Variants in ZNF469 observed in about 807,000 individuals in gnomAD.
The protein encoded by ZNF469 is zinc finger protein 469.
In ZNF469, 1 loss-of-function variant was observed where a neutral mutation model predicts 1.0. The ratio of observed to expected loss-of-function variants is 1.00; its 90% CI spans 0.35 to 4.73. The LOEUF is 4.73. ZNF469 is among the 30% of genes most tolerant of loss of function. The pLI is 0.16. For missense variants in ZNF469, 6,100 were observed against 5,356.3 expected, an observed-to-expected ratio of 1.14 and a Z score of -4.33; for synonymous variants, 2,703 against 2,363.4, an observed-to-expected ratio of 1.14 and a Z score of -4.17.
At chr16:88,138,799 A>G in the ZNF469 span, among the ~76,000 whole-genome samples, 1 of 152,284 alleles carries the variant, frequency 6.6e-6, no homozygotes, top group Non-Finnish European at 1.5e-5. Context: ...CACTAAAGTC[A>G]GTAGCAAAAC....
At chr16:88,117,174 CAT>C in the ZNF469 span, among the ~76,000 whole-genome samples, 9 of 149,116 alleles carry the variant, frequency 6.0e-5, no homozygotes, top group South Asian at 2.1e-4. Context: ...GAACTGGGGG[CAT>C]GTGAGGGCCG....
chr16:88,119,090 TG>T, the ZNF469 span, among the ~76,000 whole-genome samples: 8 of 152,366 alleles, frequency 5.3e-5, no homozygotes, highest in African/African-American at 1.7e-4. Flanking sequence ...TCGTAACTCT[TG>T]GGCTTGTTTT....
In ZNF469 at chr16:88,432,632, G is replaced by T. The variant is rs568197988; in HGVS notation, c.5162G>T (p.Cys1721Phe). The T allele has an allele frequency of 2.7e-4, 417 of 1,550,306 alleles. No individual in the cohort carries two copies. Among genetic ancestry groups the T allele is most frequent in the South Asian group, 4.3e-4 (36 of 84,062 alleles). Residue 1721 changes from cysteine to phenylalanine, a missense_variant, in exon 3 of 3, where the codon TGC becomes TTC. Transcript: ENST00000565624. ...GACAGCAGGCCCCCCCAAGATGTCTGCCTGCCTGAGCCCAGCAAGCAGCCT... is the reference window on the plus strand; with the variant it reads ...GACAGCAGGCCCCCCCAAGATGTCTTCCTGCCTGAGCCCAGCAAGCAGCCT... The part of the protein sequence containing the change: ...EGDSRPPQDV[C>F]LPEPSKQPGP...
the ZNF469 span, among the ~76,000 whole-genome samples, chr16:88,362,518 T>A: frequency 6.6e-6 from 1 of 152,246 alleles, no homozygotes; most frequent in Non-Finnish European, 1.5e-5. Flanking sequence ...TTTTCCTGGA[T>A]ATAAAATTCT....
chr16:88,127,293 T>C, the ZNF469 span, among the ~76,000 whole-genome samples: 2 of 152,214 alleles, frequency 1.3e-5, no homozygotes, highest in South Asian at 2.1e-4. Context: ...TCTGAAGAAG[T>C]TTGTATGAGT....
the ZNF469 span, among the ~76,000 whole-genome samples, chr16:88,130,685 C>T: frequency 6.9e-6 from 1 of 143,988 alleles, no homozygotes; most frequent in Non-Finnish European, 1.5e-5. Context: ...CAGCCTGGGC[C>T]ACAAGAGTGA....
In ZNF469 at chr16:88,435,973, G is replaced by C. The variant is rs200153921; in HGVS notation, c.8503G>C (p.Glu2835Gln). ...CACCCAGGGTGGAGTCCAGGGGCCT[G>C]AAGGCCCCACTCCTGATGCCTCTGG... Reference protein sequence around the residue: ...PDTQGGVQGPEGPTPDASGSS... With the variant: ...PDTQGGVQGPQGPTPDASGSS... The change falls in exon 3 of 3, where the codon GAA becomes CAA. Residue 2835 changes from glutamate to glutamine, a missense_variant. Glu to Gln is a conservative substitution (Grantham distance 29, BLOSUM62 2). Coordinates refer to ENST00000565624, the MANE Select transcript of ZNF469 (RefSeq NM_001367624.2). 1,622 of 1,549,936 alleles carry C rather than the reference G, an allele frequency of 1.0e-3. 13 individuals carry two copies. The Middle Eastern group carries it at 0.023, about 22-fold the overall frequency.
the ZNF469 span, among the ~76,000 whole-genome samples, chr16:88,306,156 G>C: frequency 6.6e-6 from 1 of 152,256 alleles, no homozygotes; most frequent in Non-Finnish European, 1.5e-5. Flanking sequence ...AAGAGGTTCA[G>C]AAGCAGCCTC....
rs1906745495 is a variant in ZNF469, at chr16:88,438,279, G to GC, written c.10811dup (p.Ala3606SerfsTer31). The GC allele has an allele frequency of 6.5e-7, 1 of 1,548,260 alleles. No homozygotes were observed. The highest frequency in any genetic ancestry group is 8.7e-7 in the Non-Finnish European group (1 of 1,145,496). ...TCCCTCTGGGGGCATCTCTGCCGCG[G>GC]CCGGGAGCCAGAGGCCAAGATGCGG... On this transcript the variant is annotated frameshift_variant, in exon 3 of 3. Coordinates refer to ENST00000565624, the MANE Select transcript of ZNF469 (RefSeq NM_001367624.2). LOFTEE classifies it low-confidence loss of function (END_TRUNC).
At chr16:88,371,174 T>G in the ZNF469 span, among the ~76,000 whole-genome samples, 3 of 152,270 alleles carry the variant, frequency 2.0e-5, no homozygotes, top group Non-Finnish European at 2.9e-5. Flanking sequence ...AAAGCCTCAC[T>G]GATAGAGCAT....
chr16:88,176,516 C>T, the ZNF469 span, among the ~76,000 whole-genome samples: 1 of 152,200 alleles, frequency 6.6e-6, no homozygotes, highest in Non-Finnish European at 1.5e-5. Flanking sequence ...GGAGCTTCTC[C>T]ACTAGGGCGT....
At chr16:88,406,159 G>A (rs1444785626) in intron 1 of ZNF469, among the ~76,000 whole-genome samples, 1 of 152,232 alleles carries the variant, frequency 6.6e-6, no homozygotes, top group Non-Finnish European at 1.5e-5. Flanking sequence ...CTCGCCAAAG[G>A]TGGGACTGCC....
the ZNF469 span, among the ~76,000 whole-genome samples, chr16:88,313,371 A>G: frequency 1.3e-5 from 2 of 152,192 alleles, no homozygotes; most frequent in East Asian, 3.8e-4. Flanking sequence ...CAATTTTTAT[A>G]CCTTGTAATT....
At chr16:88,347,895 G>A in the ZNF469 span, among the ~76,000 whole-genome samples, 1 of 152,262 alleles carries the variant, frequency 6.6e-6, no homozygotes, top group Non-Finnish European at 1.5e-5. Flanking sequence ...TGGAGTAGGG[G>A]TGCCCCATGA....
chr16:88,186,617 G>C, the ZNF469 span, among the ~76,000 whole-genome samples: 1 of 152,078 alleles, frequency 6.6e-6, no homozygotes, highest in Non-Finnish European at 1.5e-5. Flanking sequence ...TGTCGGGCGC[G>C]GGTGCTCCCA....
the ZNF469 span, among the ~76,000 whole-genome samples, chr16:88,245,237 A>T: frequency 6.6e-6 from 1 of 152,242 alleles, no homozygotes; most frequent in African/African-American, 2.4e-5. Context: ...TTGCTGCAGC[A>T]TGAGGAACTT....
rs1905165784 is a variant in ZNF469, at chr16:88,411,503, TGCAAGCAGGCAGGGGTGCGAGCGGGCAGG to T, written c.-191-13302_-191-13274del. Reference sequence around the variant, plus strand: ...AGGCAGGGGTGCGAGCGGGCAGGGGTGCAAGCAGGCAGGGGTGCGAGCGGGCAGGGGTGGGTGTGAGCATGGCTCTCCCG... The same window carrying T: ...AGGCAGGGGTGCGAGCGGGCAGGGGTGGTGGGTGTGAGCATGGCTCTCCCG... On this transcript the variant is annotated intron_variant, in intron 1 of 2. Transcript: ENST00000565624. 2.1e-5 allele frequency among the ~76,000 whole-genome samples: 3 copies of T among 141,340 alleles called. No homozygotes were observed. In the South Asian group the frequency reaches 7.0e-4, roughly 33 times the overall value. The allele number at this position is 141,340 out of a possible 152,430, so 92.7% of individuals were successfully genotyped here.
At position 88,434,806 on chromosome 16, in the gene ZNF469, CAG is replaced by C; in HGVS notation, c.7339_7340del (p.Arg2447ValfsTer5). On this transcript the variant is annotated frameshift_variant, in exon 3 of 3. Transcript: ENST00000565624. LOFTEE classifies it low-confidence loss of function (END_TRUNC). The stretch of plus-strand genomic sequence containing the variant: ...CCCCCTCGGCCCCCAAGACCTCAAA[CAG>C]AGGTCCCGTGGCTATAAAAAGAAGC... ...GDPLGPQDLK[Q>X]RSRGYKKKPA... is the part of the protein sequence containing the mutation. 6.5e-7 allele frequency: 1 copy of C among 1,550,358 alleles called. No homozygotes were observed. Among genetic ancestry groups the C allele is most frequent in the African/African-American group, 1.4e-5 (1 of 73,188 alleles).
the ZNF469 span, among the ~76,000 whole-genome samples, chr16:88,357,463 T>C: frequency 6.6e-6 from 1 of 152,116 alleles, no homozygotes; most frequent in Non-Finnish European, 1.5e-5. Flanking sequence ...ATCCCGGCCC[T>C]GATCCTGGGA....
Sources: gnomAD v4.1 joint callset for allele counts (sites outside exome capture counted in the v4.1 genomes callset) on GRCh38, gnomAD v4.1.1 for gene constraint, MANE v1.5 for transcripts, NCBI Gene and HGNC (gene_info 2026-07-23, HGNC 2026-07-21) for gene names.